ARHGAP44: variants seen among roughly 807,000 people sequenced by gnomAD.
ARHGAP44 encodes the protein Rho GTPase activating protein 44.
A neutral mutation model predicts 106.8 loss-of-function variants in ARHGAP44; 43 were observed. The observed-to-expected ratio is 0.40, with a 90% CI of 0.32 to 0.52. The LOEUF is 0.52. Among genes scored for constraint, ARHGAP44 ranks in the 20% least tolerant of loss-of-function variants. ARHGAP44 has a pLI of 0.48. For missense variants in ARHGAP44, 866 were observed against 1,050.5 expected, an observed-to-expected ratio of 0.82 and a Z score of 2.43; for synonymous variants, 439 against 410.3, an observed-to-expected ratio of 1.07 and a Z score of -0.85.
chr17:12,839,691 T>G (rs911432082), intron 1 of ARHGAP44, among the ~76,000 whole-genome samples: 4 of 152,330 alleles, frequency 2.6e-5, no homozygotes, highest in African/African-American at 9.6e-5. Context: ...GTGCTTTTGT[T>G]GTTGTTGTTA....
chr17:12,881,513 C>G (rs2036737496), intron 1 of ARHGAP44, among the ~76,000 whole-genome samples: 1 of 151,866 alleles, frequency 6.6e-6, no homozygotes, highest in Non-Finnish European at 1.5e-5. Context: ...CTGAACATAC[C>G]CTTCCTTCTG....
chr17:12,926,414 A>AT lies in ARHGAP44; in HGVS notation c.465-2514dup, dbSNP rs1567690975. On this transcript the variant is annotated intron_variant, in intron 6 of 20. Coordinates refer to ENST00000379672, the MANE Select transcript of ARHGAP44 (RefSeq NM_014859.6). ...ATATAATATATATTGTATATATATA[A>AT]TATATATGTATATATAATATATATG... Among the ~76,000 whole-genome samples the AT allele has an allele frequency of 1.6e-4, 23 of 142,390 alleles. 1 individual carries two copies. The South Asian group carries it at 4.8e-3, about 29-fold the overall frequency. 93.4% of individuals were successfully genotyped at this position (142,390 alleles called of 152,430 possible). A position where few individuals can be genotyped will look rare whatever the true frequency, so the allele number is the denominator to read the frequency against.
chr17:12,989,116 A>C (rs1344916531), intron 20 of ARHGAP44, among the ~76,000 whole-genome samples: 6 of 146,320 alleles, frequency 4.1e-5, no homozygotes, highest in African/African-American at 7.4e-5. Context: ...AAAAAAAAAA[A>C]AAAAAAAAAC....
chr17:12,941,868 T>C (rs1205533650), intron 8 of ARHGAP44, among the ~76,000 whole-genome samples: 1 of 152,164 alleles, frequency 6.6e-6, no homozygotes, highest in East Asian at 1.9e-4. Flanking sequence ...AAATCAGTTA[T>C]GCTCACCTGC....
At chr17:12,959,513 T>A (rs2039206835) in intron 16 of ARHGAP44, among the ~76,000 whole-genome samples, 1 of 152,238 alleles carries the variant, frequency 6.6e-6, no homozygotes, top group Non-Finnish European at 1.5e-5. Flanking sequence ...CATGTTAAAT[T>A]AGTTTATATA....
At chr17:12,925,447 G>A (rs2038204775) in intron 6 of ARHGAP44, among the ~76,000 whole-genome samples, 1 of 152,196 alleles carries the variant, frequency 6.6e-6, no homozygotes, top group South Asian at 2.1e-4. Context: ...CTAGACAGAA[G>A]GAACAGTGAA....
At chr17:12,825,287 C>T (rs1288785942) in intron 1 of ARHGAP44, among the ~76,000 whole-genome samples, 1 of 152,122 alleles carries the variant, frequency 6.6e-6, no homozygotes, top group African/African-American at 2.4e-5. Context: ...ATCTTCCCAC[C>T]TTGGCCTCCC....
At chr17:12,869,909 T>C (rs1207583461) in intron 1 of ARHGAP44, among the ~76,000 whole-genome samples, 4 of 152,138 alleles carry the variant, frequency 2.6e-5, no homozygotes, top group Non-Finnish European at 5.9e-5. Context: ...AGTCAATTTA[T>C]TTAAATAACC....
chr17:12,870,477 T>C (rs2036378173), intron 1 of ARHGAP44, among the ~76,000 whole-genome samples: 1 of 152,142 alleles, frequency 6.6e-6, no homozygotes, highest in African/African-American at 2.4e-5. Flanking sequence ...TTTCCAGACC[T>C]CCAGCAACCC....
chr17:12,990,136 G>GACTC lies in ARHGAP44; in HGVS notation c.2423_2426dup (p.Glu810LeufsTer6). On this transcript the variant is annotated frameshift_variant, in exon 21 of 21. Transcript: ENST00000379672. LOFTEE classifies it high-confidence loss of function. ...GCGACACTCAGTAACTGACAAGAGGGACTCGGAGGAGGAGTCTGAGAGCAC... is the reference window on the plus strand; with the variant it reads ...GCGACACTCAGTAACTGACAAGAGGGACTCACTCGGAGGAGGAGTCTGAGAGCAC... 1 of 1,613,238 alleles carries GACTC rather than the reference G, an allele frequency of 6.2e-7. No individual in the cohort carries two copies. The highest frequency in any genetic ancestry group is 1.3e-5 in the African/African-American group (1 of 75,038).
At chr17:12,985,192 T>C (rs1421870059) in intron 20 of ARHGAP44, 1 of 376,004 alleles carries the variant, frequency 2.7e-6, no homozygotes, top group Admixed American at 4.3e-5. Flanking sequence ...TTGAAGACAC[T>C]GAGTCATTTG....
At chr17:12,903,140 A>AGAGAGAGTGTGT (rs1403029479) in intron 3 of ARHGAP44, among the ~76,000 whole-genome samples, 1 of 57,574 alleles carries the variant, frequency 1.7e-5, no homozygotes, top group African/African-American at 6.3e-5. Context: ...AGAGAGAGAG[A>AGAGAGAGTGTGT]GTGTGTGTGT....
intron 1 of ARHGAP44, among the ~76,000 whole-genome samples, chr17:12,885,326 TGTGTG>T (rs1567667953): frequency 1.2e-4 from 12 of 99,696 alleles, no homozygotes; most frequent in African/African-American, 1.0e-3. Flanking sequence ...ACAGAGTAGG[TGTGTG>T]TGTGTGTGTG....
intron 7 of ARHGAP44, among the ~76,000 whole-genome samples, chr17:12,934,083 G>A (rs565476626): frequency 4.6e-5 from 7 of 151,988 alleles, no homozygotes; most frequent in South Asian, 4.2e-4. Context: ...TCCTGACCTC[G>A]TGATCCACCC....
chr17:12,946,973 C>G (rs2038867687), intron 10 of ARHGAP44, among the ~76,000 whole-genome samples: 2 of 152,166 alleles, frequency 1.3e-5, no homozygotes, highest in Admixed American at 6.5e-5. Flanking sequence ...CTGTCACTTG[C>G]ATTTTTTCCC....
At chr17:12,808,595 C>T (rs771339369) in intron 1 of ARHGAP44, among the ~76,000 whole-genome samples, 9 of 152,218 alleles carry the variant, frequency 5.9e-5, no homozygotes, top group Admixed American at 2.0e-4. Flanking sequence ...GGCTGGGATG[C>T]AGGGAACCAA....
At chr17:12,943,562 G>T (rs746687565) in intron 8 of ARHGAP44, 26 bp from the exon 9 acceptor site, 30 of 1,611,672 alleles carry the variant, frequency 1.9e-5, no homozygotes, top group Non-Finnish European at 2.2e-5. Context: ...CTCACTAAGG[G>T]TGATGCTTGC....
chr17:12,869,032 T>A (rs560638913), intron 1 of ARHGAP44, among the ~76,000 whole-genome samples: 1 of 152,084 alleles, frequency 6.6e-6, no homozygotes, highest in East Asian at 1.9e-4. Context: ...AAATACATAT[T>A]TAAGGGTTTG....
chr17:12,946,283 A>G (rs559133234), intron 10 of ARHGAP44, among the ~76,000 whole-genome samples: 4 of 152,198 alleles, frequency 2.6e-5, no homozygotes, highest in Non-Finnish European at 4.4e-5. Flanking sequence ...TTGAAGTACA[A>G]CCTAGACATT....
Sources: gnomAD v4.1 joint callset for allele counts (sites outside exome capture counted in the v4.1 genomes callset) on GRCh38, gnomAD v4.1.1 for gene constraint, MANE v1.5 for transcripts, NCBI Gene and HGNC (gene_info 2026-07-23, HGNC 2026-07-21) for gene names.